SCMH1: variants seen among roughly 807,000 people sequenced by gnomAD.
SCMH1 encodes the protein polycomb protein SCMH1.
In SCMH1, 37 loss-of-function variants were observed where a neutral mutation model predicts 70.8. That is an observed-to-expected ratio of 0.52 (90% confidence interval 0.40 to 0.69). The LOEUF is 0.69. Among genes scored for constraint, SCMH1 ranks in the 30% least tolerant of loss-of-function variants. The pLI is 0.00. For synonymous variants in SCMH1, 292 were observed against 307.4 expected, an observed-to-expected ratio of 0.95 and a Z score of 0.52; for missense variants, 607 against 827.3, an observed-to-expected ratio of 0.73 and a Z score of 3.27.
intron 1 of SCMH1, among the ~76,000 whole-genome samples, chr1:41,197,469 T>C (rs141649201): frequency 1.3e-5 from 2 of 152,282 alleles, no homozygotes; most frequent in African/African-American, 4.8e-5. Flanking sequence ...CGATTCTACT[T>C]ACAGGACGAA....
At chr1:41,201,198 T>C (rs1654282194) in intron 1 of SCMH1, among the ~76,000 whole-genome samples, 1 of 152,150 alleles carries the variant, frequency 6.6e-6, no homozygotes, top group African/African-American at 2.4e-5. Flanking sequence ...AAGTCTCAGA[T>C]TCTTATCTTT....
At chr1:41,123,182 G>A (rs757185803) in intron 6 of SCMH1, among the ~76,000 whole-genome samples, 2 of 152,090 alleles carry the variant, frequency 1.3e-5, no homozygotes, top group Non-Finnish European at 2.9e-5. Flanking sequence ...TGATTGTGAC[G>A]CTGCATTCCA....
intron 9 of SCMH1, among the ~76,000 whole-genome samples, chr1:41,074,715 A>G (rs1390829343): frequency 6.6e-6 from 1 of 152,188 alleles, no homozygotes; most frequent in East Asian, 1.9e-4. Flanking sequence ...ATCCTCCCCA[A>G]TTCTATCTTT....
At chr1:41,073,785 T>C (rs986038988) in intron 9 of SCMH1, among the ~76,000 whole-genome samples, 3 of 152,036 alleles carry the variant, frequency 2.0e-5, no homozygotes, top group Admixed American at 6.5e-5. Context: ...GTTCTTGACC[T>C]TGAGGAGCTT....
intron 12 of SCMH1, chr1:41,045,659 C>T (rs1646807739): frequency 6.6e-6 from 1 of 152,502 alleles, no homozygotes; most frequent in Admixed American, 6.5e-5. Context: ...CTGCTCAGGA[C>T]ACAATCTGCA....
chr1:41,153,891 G>A (rs1645286916), intron 4 of SCMH1, among the ~76,000 whole-genome samples: 1 of 152,130 alleles, frequency 6.6e-6, no homozygotes, highest in African/African-American at 2.4e-5. Flanking sequence ...AACCACAAAA[G>A]AAATAGGACA....
At chr1:41,187,813 C>CA (rs112850018) in intron 1 of SCMH1, among the ~76,000 whole-genome samples, 4,930 of 137,214 alleles carry the variant, frequency 0.036, 122 homozygotes, top group Non-Finnish European at 0.051. Flanking sequence ...CCCATCTCTA[C>CA]AAAAAAAAAA....
rs569562549 is a variant in SCMH1, at chr1:41,042,449, A to C, written c.1498+3958T>G. Among the ~76,000 whole-genome samples the C allele has an allele frequency of 8.5e-5, 13 of 152,176 alleles. No homozygotes were observed. The South Asian group carries it at 2.7e-3, about 32-fold the overall frequency. ...TTATTAGTAGAGACAGGGTTTCACC[A>C]TGTTAGCCAGGCTGGTCTCGAACTC... On this transcript the variant is annotated intron_variant, in intron 12 of 14. Coordinates refer to ENST00000337495, the Ensembl canonical transcript of SCMH1.
At chr1:41,142,979 C>T in exon 6 of SCMH1, 2 of 1,614,114 alleles carry the variant, frequency 1.2e-6, no homozygotes. Flanking sequence ...GTTGTCGCTC[C>T]CATCAAGGCG....
At chr1:41,066,109 T>G (rs534129466) in intron 10 of SCMH1, among the ~76,000 whole-genome samples, 3 of 152,304 alleles carry the variant, frequency 2.0e-5, no homozygotes, top group African/African-American at 7.2e-5. Flanking sequence ...CTGGCGCTGC[T>G]AGGCCCCAGG....
At chr1:41,118,236 T>A (rs1236923907) in intron 6 of SCMH1, among the ~76,000 whole-genome samples, 1 of 152,176 alleles carries the variant, frequency 6.6e-6, no homozygotes, top group Non-Finnish European at 1.5e-5. Flanking sequence ...TCCAAGGTAA[T>A]GCTGTAAAGT....
intron 10 of SCMH1, among the ~76,000 whole-genome samples, chr1:41,052,370 G>A (rs547349202): frequency 1.3e-5 from 2 of 152,318 alleles, no homozygotes; most frequent in South Asian, 2.1e-4. Context: ...CGCATGCAAC[G>A]GATCTAGGTT....
At chr1:41,055,065 G>A (rs80118694) in intron 10 of SCMH1, among the ~76,000 whole-genome samples, 20,092 of 152,112 alleles carry the variant, frequency 0.13, 1,746 homozygotes, top group Middle Eastern at 0.27. Flanking sequence ...TTATGGGGGC[G>A]AGCCACTGCA....
intron 8 of SCMH1, among the ~76,000 whole-genome samples, chr1:41,076,981 A>C (rs1658477361): frequency 1.3e-5 from 2 of 152,178 alleles, no homozygotes; most frequent in South Asian, 4.1e-4. Flanking sequence ...GAGGGACGAG[A>C]GTAGAATTAG....
intron 2 of SCMH1, among the ~76,000 whole-genome samples, chr1:41,176,463 C>T (rs1647149425): frequency 1.3e-5 from 2 of 152,218 alleles, no homozygotes; most frequent in South Asian, 4.1e-4. Flanking sequence ...ATCGCCTCAC[C>T]TGGGAAGTGC....
At chr1:41,235,526 G>A (rs1057122925) in intron 1 of SCMH1, among the ~76,000 whole-genome samples, 12 of 130,758 alleles carry the variant, frequency 9.2e-5, no homozygotes, top group Admixed American at 2.8e-4. Flanking sequence ...AGCCGAGATC[G>A]CACCACTGCA....
chr1:41,127,430 T>A (rs947970463), intron 6 of SCMH1, among the ~76,000 whole-genome samples: 1 of 152,184 alleles, frequency 6.6e-6, no homozygotes, highest in African/African-American at 2.4e-5. Context: ...ATAAAGGAAT[T>A]TGTGTTTTCC....
At chr1:41,166,749 C>T (rs113326673) in intron 2 of SCMH1, among the ~76,000 whole-genome samples, 3 of 151,992 alleles carry the variant, frequency 2.0e-5, no homozygotes, top group African/African-American at 7.2e-5. Flanking sequence ...TTGGTACAGT[C>T]TTTGAGATTT....
chr1:41,129,781 T>C (rs1674168340), intron 6 of SCMH1, among the ~76,000 whole-genome samples: 1 of 152,158 alleles, frequency 6.6e-6, no homozygotes, highest in Non-Finnish European at 1.5e-5. Flanking sequence ...AATCACAGAA[T>C]TCTACTTTTA....
Sources: gnomAD v4.1 joint callset for allele counts (sites outside exome capture counted in the v4.1 genomes callset) on GRCh38, gnomAD v4.1.1 for gene constraint, MANE v1.5 for transcripts, NCBI Gene and HGNC (gene_info 2026-07-23, HGNC 2026-07-21) for gene names.